PLCG2: variants seen among roughly 807,000 people sequenced by gnomAD.
PLCG2 encodes 1-phosphatidylinositol 4,5-bisphosphate phosphodiesterase gamma-2.
Under a neutral mutation model 175.6 loss-of-function variants are expected in PLCG2, and 69 were observed. That is an observed-to-expected ratio of 0.39 (90% CI 0.32 to 0.48). PLCG2 has a LOEUF of 0.48. Among genes scored for constraint, PLCG2 ranks in the 20% least tolerant of loss-of-function variants. The pLI, the probability that PLCG2 is intolerant of heterozygous loss-of-function variation, is 0.91. For missense variants in PLCG2, 1,798 were observed against 1,650.9 expected (o/e 1.09, Z -1.54); for synonymous variants, 827 against 624.0 (o/e 1.33, Z -4.85).
At chr16:81,779,511 G>C (rs1190073934) in intron 1 of PLCG2, 87 bp downstream of exon 1, 5 of 151,892 alleles carry the variant, frequency 3.3e-5, no homozygotes, top group African/African-American at 1.2e-4. Flanking sequence ...CTGCGTCCGA[G>C]GGGGTCTGCG....
intron 2 of PLCG2, among the ~76,000 whole-genome samples, chr16:81,806,920 G>A (rs1220958700): frequency 6.6e-6 from 1 of 152,046 alleles, no homozygotes; most frequent in Non-Finnish European, 1.5e-5. Flanking sequence ...ACATGACCCA[G>A]GGCTGTGGAG....
intron 1 of PLCG2, chr16:81,783,225 C>G: frequency 2.2e-6 from 1 of 452,038 alleles, no homozygotes; most frequent in South Asian, 1.6e-5. Flanking sequence ...GGATGCATGG[C>G]TGGGAACAGT....
At position 81,870,893 on chromosome 16, in the gene PLCG2, C is replaced by A; in HGVS notation, c.606C>A (p.Phe202Leu). The A allele has an allele frequency of 6.2e-7, 1 of 1,603,676 alleles. No individual in the cohort carries two copies. Among genetic ancestry groups the A allele is most frequent in the Non-Finnish European group, 8.5e-7 (1 of 1,174,738 alleles). ...AHKDELSFEQFHLFYKKLMFE... is the reference protein window; with the variant it reads ...AHKDELSFEQLHLFYKKLMFE... ...AAGATGAGCTCAGCTTTGAACAGTT[C>A]CATCTCTTCTATAAAAAACTTATGT... The change falls in exon 7 of 33, where the codon TTC becomes TTA. Residue 202 changes from phenylalanine to leucine, a missense_variant. Coordinates refer to ENST00000564138, the MANE Select transcript of PLCG2 (RefSeq NM_002661.5).
chr16:81,923,971 T>C (rs1047469067), intron 22 of PLCG2, among the ~76,000 whole-genome samples: 2 of 152,198 alleles, frequency 1.3e-5, no homozygotes, highest in Non-Finnish European at 2.9e-5. Flanking sequence ...AATGAGACTT[T>C]CCAAGTCACA....
intron 2 of PLCG2, among the ~76,000 whole-genome samples, chr16:81,772,122 C>T (rs1354529337): frequency 6.6e-6 from 1 of 152,094 alleles, no homozygotes; most frequent in Non-Finnish European, 1.5e-5. Flanking sequence ...AGTTAAGGAT[C>T]TCAAGATGAG....
chr16:81,877,929 C>G (rs1361246400), intron 7 of PLCG2, among the ~76,000 whole-genome samples: 1 of 146,784 alleles, frequency 6.8e-6, no homozygotes, highest in South Asian at 2.2e-4. Context: ...GACCCCTTTT[C>G]TCTGTGTGCT....
chr16:81,943,757 CA>C (rs1911046175), intron 30 of PLCG2, among the ~76,000 whole-genome samples: 1 of 152,156 alleles, frequency 6.6e-6, no homozygotes, highest in South Asian at 2.1e-4. Flanking sequence ...AACAAACTAG[CA>C]ACAAAAATCA....
chr16:81,872,049 C>T (rs1239075959), intron 7 of PLCG2, among the ~76,000 whole-genome samples: 1 of 152,158 alleles, frequency 6.6e-6, no homozygotes, highest in Non-Finnish European at 1.5e-5. Context: ...AGAATACAGG[C>T]CAGGTGCAGT....
At chr16:81,851,390 A>G (rs184766861) in intron 2 of PLCG2, among the ~76,000 whole-genome samples, 14 of 152,180 alleles carry the variant, frequency 9.2e-5, no homozygotes, top group Non-Finnish European at 1.6e-4. Context: ...GTTATTTTGC[A>G]TTTGTTTTGG....
At chr16:81,746,229 G>A (rs1007190796) in intron 1 of PLCG2, among the ~76,000 whole-genome samples, 1 of 152,218 alleles carries the variant, frequency 6.6e-6, no homozygotes, top group African/African-American at 2.4e-5. Flanking sequence ...AGCCCTCCCC[G>A]GTGCTTCCCG....
chr16:81,824,349 G>C (rs1904950836), intron 2 of PLCG2, among the ~76,000 whole-genome samples: 1 of 152,130 alleles, frequency 6.6e-6, no homozygotes. Context: ...GGCCAGGCTG[G>C]TCTTGAACTC....
rs761149712 is a variant in PLCG2, at chr16:81,893,695, C to T, written c.987-14C>T. Reference sequence around the variant, plus strand: ...CTGCCACTCTCACACGGCCACCTGCCTTCTCTCCTGCAGGTACCTTACAGG... The same window carrying T: ...CTGCCACTCTCACACGGCCACCTGCTTTCTCTCCTGCAGGTACCTTACAGG... On this transcript the variant is annotated splice_polypyrimidine_tract_variant and intron_variant, in intron 11 of 32. Coordinates refer to ENST00000564138, the MANE Select transcript of PLCG2 (RefSeq NM_002661.5). 6.3e-7 allele frequency: 1 copy of T among 1,581,140 alleles called. No homozygotes were observed. The highest frequency in any genetic ancestry group is 1.1e-5 in the South Asian group (1 of 90,430).
At chr16:81,900,828 T>A in intron 14 of PLCG2, 48 bp downstream of exon 14, 1 of 1,548,800 alleles carries the variant, frequency 6.5e-7, no homozygotes, top group Non-Finnish European at 8.8e-7. Flanking sequence ...GCCCAGTGGC[T>A]CGGTTCCCCG....
At position 81,959,696 on chromosome 16, in the gene PLCG2, G is replaced by T. The variant is rs1911710293; in HGVS notation, c.*1698G>T. 5.4e-6 allele frequency: 1 copy of T among 184,720 alleles called. No homozygotes were observed. The highest frequency in any genetic ancestry group is 2.3e-5 in the African/African-American group (1 of 42,606). 11.4% of individuals were successfully genotyped at this position (184,720 alleles called of 1,614,324 possible). A position where few individuals can be genotyped will look rare whatever the true frequency, so the allele number is the denominator to read the frequency against. ...GATGTTCAAAGCAACTTTCAAGAAAGGCTAGGTGAGAAAGGCACTGGGATG... is the reference window on the plus strand; with the variant it reads ...GATGTTCAAAGCAACTTTCAAGAAATGCTAGGTGAGAAAGGCACTGGGATG... On this transcript the variant is annotated 3_prime_UTR_variant, in exon 33 of 33. Coordinates refer to ENST00000564138, the MANE Select transcript of PLCG2 (RefSeq NM_002661.5).
rs1277995760 is a variant in PLCG2 at position 81,790,693 on chromosome 16, T to G, written c.193+4511T>G. ...ACTTTTGGACAGGTGTTACAATCCC[T>G]GTGCAGACCTGGGTAAAATACCTAG... On this transcript the variant is annotated intron_variant, in intron 2 of 32. Coordinates refer to ENST00000564138, the MANE Select transcript of PLCG2 (RefSeq NM_002661.5). Among the ~76,000 whole-genome samples the G allele has an allele frequency of 2.0e-5, 3 of 152,282 alleles. No homozygotes were observed. The East Asian group carries it at 5.8e-4, about 29-fold the overall frequency.
chr16:81,746,319 C>A (rs755647364), intron 1 of PLCG2, among the ~76,000 whole-genome samples: 1 of 152,220 alleles, frequency 6.6e-6, no homozygotes, highest in Admixed American at 6.5e-5. Flanking sequence ...TGAGTTTTCG[C>A]CCCCAGCACA....
chr16:81,813,698 C>T (rs1460539055), intron 2 of PLCG2, among the ~76,000 whole-genome samples: 3 of 152,172 alleles, frequency 2.0e-5, no homozygotes, highest in African/African-American at 7.2e-5. Flanking sequence ...TGAATATATT[C>T]ATTGGATGGC....
At chr16:81,799,243 C>T (rs1186371512) in intron 2 of PLCG2, among the ~76,000 whole-genome samples, 2 of 152,084 alleles carry the variant, frequency 1.3e-5, no homozygotes, top group Non-Finnish European at 2.9e-5. Context: ...ACCCCCCTAC[C>T]CAGAGAGATG....
intron 2 of PLCG2, among the ~76,000 whole-genome samples, chr16:81,810,650 A>T (rs12445395): frequency 0.72 from 98,751 of 136,742 alleles, 32,936 homozygotes; most frequent in East Asian, 0.91. Context: ...CTTTCTTTTT[A>T]TTTTTTGCTG....
Sources: gnomAD v4.1 joint callset for allele counts (sites outside exome capture counted in the v4.1 genomes callset) on GRCh38, gnomAD v4.1.1 for gene constraint, MANE v1.5 for transcripts, NCBI Gene and HGNC (gene_info 2026-07-23, HGNC 2026-07-21) for gene names.